HTR2C: variants seen among roughly 807,000 people sequenced by gnomAD.
HTR2C encodes 5-hydroxytryptamine receptor 2C, also known as 5-hydroxytryptamine (serotonin) receptor 2C, G protein-coupled.
In HTR2C, 5 loss-of-function variants were observed where a neutral mutation model predicts 21.0. That is an observed-to-expected ratio of 0.24 (90% CI 0.12 to 0.50). The LOEUF (loss-of-function observed/expected upper bound fraction) is 0.50, where lower values mean the gene tolerates loss of function less well. Ranked by LOEUF, HTR2C falls within the 20% of genes least tolerant of loss-of-function variation. The probability of loss-of-function intolerance (pLI) is 0.98; values close to 1 mark genes in which losing one functional copy is unlikely to be tolerated. For missense variants in HTR2C, 271 were observed against 371.2 expected, an observed-to-expected ratio of 0.73 and a Z score of 2.22; for synonymous variants, 150 against 145.3, an observed-to-expected ratio of 1.03 and a Z score of -0.23.
intron 5 of HTR2C, among the ~76,000 whole-genome samples, chrX:114,853,322 G>A (rs2070934545): frequency 9.1e-6 from 1 of 110,299 alleles, no homozygotes; most frequent in African/African-American, 3.3e-5. Flanking sequence ...TTTTCTGTTT[G>A]CTATTTGATA....
intron 2 of HTR2C, among the ~76,000 whole-genome samples, chrX:114,626,259 C>T: frequency 9.3e-6 from 1 of 107,922 alleles, no homozygotes; most frequent in East Asian, 2.9e-4. Context: ...CATGGTGGCA[C>T]ATGTCTGTAG....
intron 2 of HTR2C, among the ~76,000 whole-genome samples, chrX:114,688,327 AAAAAAAAAG>A (rs1931990172): frequency 9.1e-6 from 1 of 109,353 alleles, no homozygotes; most frequent in Non-Finnish European, 1.9e-5. Context: ...TCTCAAAAAA[AAAAAAAAAG>A]AAAAGAAAAG....
At chrX:114,606,533 G>GA (rs1928441695) in intron 1 of HTR2C, among the ~76,000 whole-genome samples, 2 of 111,738 alleles carry the variant, frequency 1.8e-5, no homozygotes, top group African/African-American at 3.3e-5. Context: ...GTCTCTCCCA[G>GA]AAAATGAAAG....
At chrX:114,834,009 T>C (rs1556462465) in intron 4 of HTR2C, among the ~76,000 whole-genome samples, 2 of 110,527 alleles carry the variant, frequency 1.8e-5, no homozygotes, top group African/African-American at 3.3e-5. Context: ...AGTTGAGCGG[T>C]TTTGAGTGAG....
At chrX:114,670,706 TATTAAATTTATC>T (rs1310562784) in intron 2 of HTR2C, among the ~76,000 whole-genome samples, 1 of 112,629 alleles carries the variant, frequency 8.9e-6, no homozygotes, top group East Asian at 2.8e-4. Flanking sequence ...TTATGCAATA[TATTAAATTTATC>T]ATTAAATGTA....
intron 2 of HTR2C, among the ~76,000 whole-genome samples, chrX:114,686,963 C>T (rs1931939295): frequency 9.0e-6 from 1 of 111,342 alleles, no homozygotes; most frequent in Non-Finnish European, 1.9e-5. Context: ...GCTTCTTTAG[C>T]CAGTGCTTTC....
At chrX:114,726,336 C>T (rs782144410) in intron 2 of HTR2C, among the ~76,000 whole-genome samples, 74 of 112,734 alleles carry the variant, frequency 6.6e-4, no homozygotes, top group African/African-American at 2.2e-3. Flanking sequence ...TGACCCCTTG[C>T]ACTTCCCAAG....
chrX:114,805,717 TACCATATATAC>T (rs782722706), intron 4 of HTR2C, among the ~76,000 whole-genome samples: 6,439 of 25,945 alleles, frequency 0.25, 2,436 homozygotes, highest in East Asian at 0.39. Flanking sequence ...ACCATATATA[TACCATATATAC>T]ACCATATATA....
chrX:114,855,710 A>G (rs1439960576), intron 5 of HTR2C, among the ~76,000 whole-genome samples: 5 of 96,549 alleles, frequency 5.2e-5, no homozygotes, highest in Non-Finnish European at 6.1e-5. Flanking sequence ...TTGCAACTCT[A>G]ACAATTGCAT....
chrX:114,690,148 C>A (rs924733591), intron 2 of HTR2C, among the ~76,000 whole-genome samples: 4 of 111,278 alleles, frequency 3.6e-5, no homozygotes, highest in African/African-American at 1.3e-4. Flanking sequence ...GAGCAGCACC[C>A]CAGAAAGTCA....
chrX:114,718,152 C>G (rs917905488), intron 2 of HTR2C, among the ~76,000 whole-genome samples: 2 of 111,232 alleles, frequency 1.8e-5, no homozygotes, highest in Non-Finnish European at 3.8e-5. Flanking sequence ...TCCCCAAGCC[C>G]ACCCCACAGT....
chrX:114,775,260 G>A (rs1209349354), intron 4 of HTR2C: 5 of 519,405 alleles, frequency 9.6e-6, no homozygotes, highest in Admixed American at 4.6e-5. Context: ...GTCATTAGTG[G>A]TAGTAATCGT....
At chrX:114,846,713 C>A (rs1310887911) in intron 4 of HTR2C, among the ~76,000 whole-genome samples, 3 of 112,266 alleles carry the variant, frequency 2.7e-5, no homozygotes, top group Non-Finnish European at 5.6e-5. Context: ...TAGTGAAAGA[C>A]TGATTTTCCT....
At chrX:114,754,203 G>A (rs868991286) in intron 4 of HTR2C, among the ~76,000 whole-genome samples, 1 of 111,143 alleles carries the variant, frequency 9.0e-6, no homozygotes, top group East Asian at 2.8e-4. Context: ...ATGAATTTTA[G>A]GGGGACACAA....
intron 4 of HTR2C, among the ~76,000 whole-genome samples, chrX:114,807,540 T>C (rs2070489223): frequency 9.5e-6 from 1 of 105,019 alleles, no homozygotes; most frequent in Non-Finnish European, 1.9e-5. Flanking sequence ...ATATATATGG[T>C]ACATAAGATA....
intron 2 of HTR2C, among the ~76,000 whole-genome samples, chrX:114,619,645 C>A (rs192545148): frequency 9.0e-6 from 1 of 111,290 alleles, no homozygotes; most frequent in East Asian, 2.9e-4. Context: ...CCTATATAAG[C>A]CATCAAAACA....
chrX:114,906,157 A>G (rs1368724684), intron 5 of HTR2C, among the ~76,000 whole-genome samples: 3 of 112,270 alleles, frequency 2.7e-5, no homozygotes, highest in African/African-American at 9.7e-5. Flanking sequence ...TTGGAAAATG[A>G]TATGCTAAAG....
intron 4 of HTR2C, among the ~76,000 whole-genome samples, chrX:114,735,879 G>A (rs1172087039): frequency 9.0e-6 from 1 of 111,184 alleles, no homozygotes; most frequent in Non-Finnish European, 1.9e-5. Flanking sequence ...TTGGGAGGCC[G>A]AGGTGGGCAG....
intron 2 of HTR2C, among the ~76,000 whole-genome samples, chrX:114,718,376 T>A (rs1170901059): frequency 1.8e-5 from 2 of 112,516 alleles, no homozygotes; most frequent in African/African-American, 6.5e-5. Flanking sequence ...CGATTTTGGT[T>A]CAGTTGTTTT....
Sources: allele counts gnomAD v4.1 joint callset (sites outside exome capture counted in the v4.1 genomes callset), GRCh38; gene constraint gnomAD v4.1.1; transcripts MANE v1.5; gene names NCBI Gene and HGNC (gene_info 2026-07-23, HGNC 2026-07-21).